Variants in ALK observed in about 807,000 individuals in gnomAD.
The protein encoded by ALK is ALK receptor tyrosine kinase, also known as ALK tyrosine kinase receptor.
A neutral mutation model predicts 163.1 loss-of-function variants in ALK; 74 were observed. That is an observed-to-expected ratio of 0.45 (90% CI 0.38 to 0.55). The LOEUF (loss-of-function observed/expected upper bound fraction) is 0.55. Among genes scored for constraint, ALK ranks in the 20% least tolerant of loss-of-function variants. ALK has a pLI of 0.00. For synonymous variants in ALK, 960 were observed against 843.2 expected (o/e 1.14, Z -2.40); for missense variants, 2,063 against 2,105.3 (o/e 0.98, Z 0.39).
rs12615096 is a variant in ALK at position 29,224,014 on chromosome 2, C to A, written c.3173-486G>T. On this transcript the variant is annotated intron_variant, in intron 19 of 28. Transcript: ENST00000389048. The stretch of plus-strand genomic sequence containing the variant: ...AGCCTAAGGAAGTTTCAGCAAGGCC[C>A]TAAGGGGTTCTGGAGCCAAAGTCAG... 9.5e-3 allele frequency: 2,594 copies of A among 273,644 alleles called. 117 individuals carry two copies. In the East Asian group the frequency reaches 0.1, roughly 11 times the overall value. 17.0% of individuals were successfully genotyped at this position (273,644 alleles called of 1,614,324 possible).
At chr2:29,355,332 C>A (rs1031817207) in intron 5 of ALK, among the ~76,000 whole-genome samples, 1 of 152,158 alleles carries the variant, frequency 6.6e-6, no homozygotes, top group Admixed American at 6.5e-5. Context: ...AACCCAGGTC[C>A]CCACATTCCC....
chr2:29,822,954 C>T (rs1486730672), intron 1 of ALK, among the ~76,000 whole-genome samples: 1 of 152,194 alleles, frequency 6.6e-6, no homozygotes, highest in Non-Finnish European at 1.5e-5. Flanking sequence ...CTGTTCCAGA[C>T]ATTGACTCCC....
At chr2:29,686,635 G>C (rs976204586) in intron 3 of ALK, among the ~76,000 whole-genome samples, 1 of 152,194 alleles carries the variant, frequency 6.6e-6, no homozygotes, top group African/African-American at 2.4e-5. Context: ...CCCCCAGCCA[G>C]TCCTTCTTTC....
At chr2:29,609,352 A>G (rs191918819) in intron 3 of ALK, among the ~76,000 whole-genome samples, 10 of 152,150 alleles carry the variant, frequency 6.6e-5, no homozygotes, top group Non-Finnish European at 1.2e-4. Flanking sequence ...TTCCATGCTG[A>G]GAAGATTTCA....
At chr2:29,298,924 C>A (rs2148232803) in intron 8 of ALK, among the ~76,000 whole-genome samples, 2 of 152,282 alleles carry the variant, frequency 1.3e-5, no homozygotes, top group South Asian at 4.1e-4. Context: ...AATCTTTTGG[C>A]TCCTTTGTCT....
intron 4 of ALK, among the ~76,000 whole-genome samples, chr2:29,437,272 T>C (rs1670425405): frequency 6.6e-6 from 1 of 152,166 alleles, no homozygotes; most frequent in Non-Finnish European, 1.5e-5. Flanking sequence ...CATCTATTTT[T>C]GAACCCCCAC....
intron 11 of ALK, among the ~76,000 whole-genome samples, chr2:29,270,344 G>A (rs1247473635): frequency 6.6e-6 from 1 of 152,120 alleles, no homozygotes; most frequent in Non-Finnish European, 1.5e-5. Flanking sequence ...TCTGTTAAAG[G>A]GGGATACTAT....
rs115357356 is a variant in ALK at position 29,271,299 on chromosome 2, A to T, written c.2041+3800T>A. On this transcript the variant is annotated intron_variant, in intron 11 of 28. Transcript: ENST00000389048. Reference sequence around the variant, plus strand: ...CTAATAGTTGTTCTGTGGTGAATGGATAATGCATTTAGCAGAAATAGACCC... The same window carrying T: ...CTAATAGTTGTTCTGTGGTGAATGGTTAATGCATTTAGCAGAAATAGACCC... 5.3e-3 allele frequency among the ~76,000 whole-genome samples: 808 copies of T among 152,312 alleles called. 15 individuals are homozygous for T. The highest frequency in any genetic ancestry group is 0.019 in the African/African-American group (776 of 41,576).
chr2:29,511,543 T>C (rs766132028), intron 4 of ALK, among the ~76,000 whole-genome samples: 3 of 152,202 alleles, frequency 2.0e-5, no homozygotes, highest in Non-Finnish European at 4.4e-5. Context: ...TATTCACCTG[T>C]TGATACACAT....
At chr2:29,505,780 C>T (rs995028198) in intron 4 of ALK, among the ~76,000 whole-genome samples, 1 of 147,154 alleles carries the variant, frequency 6.8e-6, no homozygotes, top group Admixed American at 6.8e-5. Context: ...CAGCTCTTTC[C>T]ATAATCTAAG....
intron 1 of ALK, among the ~76,000 whole-genome samples, chr2:29,795,419 T>C (rs187214128): frequency 6.6e-6 from 1 of 152,290 alleles, no homozygotes; most frequent in Admixed American, 6.5e-5. Context: ...AAGGCAAATA[T>C]AGATCGCCTT....
chr2:29,582,593 A>T (rs1228164363), intron 3 of ALK, among the ~76,000 whole-genome samples: 2 of 152,168 alleles, frequency 1.3e-5, no homozygotes, highest in East Asian at 3.8e-4. Flanking sequence ...TCATTTTGTT[A>T]GTTTCTGTGT....
At chr2:29,808,277 C>G (rs1485552453) in intron 1 of ALK, among the ~76,000 whole-genome samples, 1 of 152,036 alleles carries the variant, frequency 6.6e-6, no homozygotes, top group Non-Finnish European at 1.5e-5. Context: ...AATGACTTGC[C>G]CATAGTGTCA....
intron 8 of ALK, among the ~76,000 whole-genome samples, chr2:29,314,502 C>T (rs753287477): frequency 1.8e-4 from 27 of 152,016 alleles, no homozygotes; most frequent in African/African-American, 5.5e-4. Flanking sequence ...TGTGTGTTTG[C>T]GTGTACATAT....
intron 18 of ALK, 52 bp from the exon 19 acceptor site, chr2:29,225,617 A>C: frequency 6.7e-7 from 1 of 1,494,004 alleles, no homozygotes. Flanking sequence ...GTCTCCTTTG[A>C]GTTGGTCCCA....
intron 5 of ALK, among the ~76,000 whole-genome samples, chr2:29,378,884 TG>T (rs1668824998): frequency 6.6e-6 from 1 of 152,094 alleles, no homozygotes; most frequent in South Asian, 2.1e-4. Flanking sequence ...CTACTTTTTT[TG>T]TATTTTCAGT....
At chr2:29,836,125 G>C (rs191073163) in intron 1 of ALK, among the ~76,000 whole-genome samples, 5 of 152,172 alleles carry the variant, frequency 3.3e-5, no homozygotes, top group Admixed American at 3.3e-4. Flanking sequence ...CACTTCCTTA[G>C]CAATGTTCCC....
Position 29,225,617 on chromosome 2 carries a change from A to G in ALK, c.3068-52T>C, listed in dbSNP as rs1213436882. On this transcript the variant is annotated intron_variant, in intron 18 of 28. Transcript: ENST00000389048. The stretch of plus-strand genomic sequence containing the variant: ...TGACAACCACACCAGGTCTCCTTTG[A>G]GTTGGTCCCAAGTCAGAAATAACCT... 5.4e-6 allele frequency: 8 copies of G among 1,493,886 alleles called. No individual in the cohort carries two copies. The East Asian group carries it at 6.9e-5, about 13-fold the overall frequency. 92.5% of individuals were successfully genotyped at this position (1,493,886 alleles called of 1,614,324 possible).
chr2:29,487,980 T>C (rs1157907115), intron 4 of ALK, among the ~76,000 whole-genome samples: 2 of 152,112 alleles, frequency 1.3e-5, no homozygotes, highest in Non-Finnish European at 2.9e-5. Flanking sequence ...TTTTCTTGGG[T>C]TGTTATTTTT....
Sources: allele counts gnomAD v4.1 joint callset (sites outside exome capture counted in the v4.1 genomes callset), GRCh38; gene constraint gnomAD v4.1.1; transcripts MANE v1.5; gene names NCBI Gene and HGNC (gene_info 2026-07-23, HGNC 2026-07-21).